MAPK10: variants seen among roughly 807,000 people sequenced by gnomAD.
MAPK10 encodes the protein JNK3 alpha protein kinase.
Under a neutral mutation model 59.3 loss-of-function variants are expected in MAPK10, and 25 were observed. The observed-to-expected ratio is 0.42, with a 90% CI of 0.31 to 0.59. MAPK10 has a LOEUF of 0.59. Ranked by LOEUF, MAPK10 falls within the 20% of genes least tolerant of loss-of-function variation. The pLI is 0.15. For missense variants in MAPK10, 351 were observed against 568.9 expected, an observed-to-expected ratio of 0.62 and a Z score of 3.90; for synonymous variants, 190 against 200.5, an observed-to-expected ratio of 0.95 and a Z score of 0.44.
chr4:86,410,528 C>T (rs1442486519), intron 1 of MAPK10, among the ~76,000 whole-genome samples: 1 of 152,018 alleles, frequency 6.6e-6, no homozygotes, highest in African/African-American at 2.4e-5. Flanking sequence ...AATCCATCTG[C>T]TCCTGGACTC....
rs1354217934 is a variant in MAPK10, at chr4:86,014,305, T to TGTGTGC, written c.*2922_*2923insGCACAC. On this transcript the variant is annotated 3_prime_UTR_variant, in exon 14 of 14. Coordinates refer to ENST00000641462, the MANE Select transcript of MAPK10 (RefSeq NM_138982.4). ...GTGACTATTTAAGAAATATTTGGGGTGTGTGTGTGTGTGTGTGTGTGTGTG... is the reference window on the plus strand; with the variant it reads ...GTGACTATTTAAGAAATATTTGGGGTGTGTGCGTGTGTGTGTGTGTGTGTGTGTGTG... 6.2e-4 allele frequency: 38 copies of TGTGTGC among 61,076 alleles called. No individual in the cohort carries two copies. Among genetic ancestry groups the TGTGTGC allele is most frequent in the African/African-American group, 2.4e-3 (37 of 15,524 alleles). The allele number at this position is 61,076 out of a possible 1,614,324, so 3.8% of individuals were successfully genotyped here.
intron 1 of MAPK10, among the ~76,000 whole-genome samples, chr4:86,396,265 C>T (rs895778045): frequency 1.9e-4 from 29 of 152,102 alleles, no homozygotes; most frequent in South Asian, 2.1e-4. Flanking sequence ...GAGAATGGCG[C>T]GAACCCAGGA....
intron 2 of MAPK10, among the ~76,000 whole-genome samples, chr4:86,200,834 T>A (rs1192707735): frequency 6.6e-6 from 1 of 151,910 alleles, no homozygotes; most frequent in Non-Finnish European, 1.5e-5. Context: ...ACCTCAAGCA[T>A]TTATAATTTC....
Position 86,235,057 on chromosome 4 carries a change from A to T in MAPK10, c.-6-40650T>A, listed in dbSNP as rs926938342. ...ATAAATCATATTATTTGTATAATTT[A>T]AATTAATAATATAGAAACTTGAAGC... On this transcript the variant is annotated intron_variant, in intron 2 of 13. Transcript: ENST00000641462. 6.6e-4 allele frequency among the ~76,000 whole-genome samples: 100 copies of T among 152,134 alleles called. 6 individuals carry two copies. The highest frequency in any genetic ancestry group is 1.0e-4 in the Non-Finnish European group (7 of 68,016).
At chr4:86,524,992 C>G (rs1025011189) in intron 1 of MAPK10, among the ~76,000 whole-genome samples, 1 of 150,960 alleles carries the variant, frequency 6.6e-6, no homozygotes, top group Non-Finnish European at 1.5e-5. Context: ...GAATAATTAT[C>G]ATTGACATAA....
intron 1 of MAPK10, among the ~76,000 whole-genome samples, chr4:86,517,369 G>A (rs896762434): frequency 1.3e-4 from 18 of 141,528 alleles, no homozygotes; most frequent in African/African-American, 7.8e-5. Context: ...TCCGCCTCCC[G>A]GGTTCACGCC....
chr4:86,211,099 T>C (rs1379537288), intron 2 of MAPK10, among the ~76,000 whole-genome samples: 1 of 151,818 alleles, frequency 6.6e-6, no homozygotes, highest in East Asian at 1.9e-4. Context: ...TGGAACACCA[T>C]TAAGTGAACC....
chr4:86,337,775 C>T (rs1722403921), intron 2 of MAPK10, among the ~76,000 whole-genome samples: 1 of 152,168 alleles, frequency 6.6e-6, no homozygotes, highest in African/African-American at 2.4e-5. Flanking sequence ...TGAATATCAC[C>T]CAGAATTCCC....
intron 1 of MAPK10, among the ~76,000 whole-genome samples, chr4:86,440,722 A>G (rs1037024328): frequency 6.6e-6 from 1 of 152,210 alleles, no homozygotes; most frequent in Non-Finnish European, 1.5e-5. Flanking sequence ...GTCATTTAAA[A>G]TGATGTTTCT....
At chr4:86,300,036 G>A (rs953871104) in intron 2 of MAPK10, among the ~76,000 whole-genome samples, 1 of 151,984 alleles carries the variant, frequency 6.6e-6, no homozygotes, top group African/African-American at 2.4e-5. Flanking sequence ...GGGTTTGCAG[G>A]TGTGCACCAC....
At chr4:86,324,196 C>T (rs2095968256) in intron 2 of MAPK10, among the ~76,000 whole-genome samples, 1 of 152,118 alleles carries the variant, frequency 6.6e-6, no homozygotes, top group Non-Finnish European at 1.5e-5. Flanking sequence ...CACCTGCAGT[C>T]AGGAGTTCGA....
intron 2 of MAPK10, chr4:86,336,173 T>C (rs946925991): frequency 6.6e-6 from 1 of 152,238 alleles, no homozygotes; most frequent in African/African-American, 2.4e-5. Context: ...AATTACTCTA[T>C]AAATTAATGT....
At chr4:86,205,652 G>A (rs1479911491) in intron 2 of MAPK10, among the ~76,000 whole-genome samples, 1 of 151,636 alleles carries the variant, frequency 6.6e-6, no homozygotes, top group East Asian at 1.9e-4. Flanking sequence ...ACAAGCATGT[G>A]GCAAATTGAG....
chr4:86,318,696 G>A (rs1427510486), intron 2 of MAPK10, among the ~76,000 whole-genome samples: 2 of 152,114 alleles, frequency 1.3e-5, no homozygotes, highest in Non-Finnish European at 2.9e-5. Flanking sequence ...TGTGCCTATG[G>A]TAGCACTTAC....
intron 1 of MAPK10, among the ~76,000 whole-genome samples, chr4:86,430,669 C>T (rs1038882407): frequency 1.3e-5 from 2 of 151,950 alleles, no homozygotes; most frequent in African/African-American, 4.8e-5. Context: ...ACCTAAAGAA[C>T]AAAAAATTGT....
intron 2 of MAPK10, among the ~76,000 whole-genome samples, chr4:86,201,547 C>CT (rs1455644121): frequency 6.6e-6 from 1 of 151,736 alleles, no homozygotes; most frequent in Non-Finnish European, 1.5e-5. Context: ...AAGGCTTTAT[C>CT]TTTATATTAC....
intron 9 of MAPK10, chr4:86,091,536 A>ATTTTT (rs71657508): frequency 4.6e-4 from 31 of 67,450 alleles, no homozygotes; most frequent in East Asian, 5.5e-4. Flanking sequence ...AAATCCCTTG[A>ATTTTT]TTTTTTTTTT....
chr4:86,531,547 A>G (rs1757853543), intron 1 of MAPK10, among the ~76,000 whole-genome samples: 1 of 152,204 alleles, frequency 6.6e-6, no homozygotes, highest in African/African-American at 2.4e-5. Context: ...GAACTCCCTG[A>G]TTCCCTCACC....
In MAPK10 at chr4:86,403,505, A is replaced by G. The variant is rs149177853; in HGVS notation, c.-121-48861T>C. On this transcript the variant is annotated intron_variant, in intron 1 of 13. Coordinates refer to the MAPK10 transcript ENST00000361569. Reference sequence around the variant, plus strand: ...ACCACTGCACTCCAGCCTGGGCAACAGAGAGAGAGTCTGTCACACACACAC... The same window carrying G: ...ACCACTGCACTCCAGCCTGGGCAACGGAGAGAGAGTCTGTCACACACACAC... Among the ~76,000 whole-genome samples the G allele has an allele frequency of 6.1e-3, 927 of 152,232 alleles. 6 individuals are homozygous for G. Among genetic ancestry groups the G allele is most frequent in the African/African-American group, 0.02 (828 of 41,528 alleles).
Sources: allele counts gnomAD v4.1 joint callset (sites outside exome capture counted in the v4.1 genomes callset), GRCh38; gene constraint gnomAD v4.1.1; transcripts MANE v1.5; gene names NCBI Gene and HGNC (gene_info 2026-07-23, HGNC 2026-07-21).